Variants in INPP5A observed in about 807,000 individuals in gnomAD.
INPP5A encodes inositol polyphosphate-5-phosphatase A.
A neutral mutation model predicts 65.2 loss-of-function variants in INPP5A; 14 were observed. That is an observed-to-expected ratio of 0.21 (90% confidence interval 0.14 to 0.34). The LOEUF (loss-of-function observed/expected upper bound fraction) is 0.34. Among genes scored for constraint, INPP5A ranks in the 10% least tolerant of loss-of-function variants. The pLI is 1.00. For missense variants in INPP5A, 431 were observed against 545.6 expected (o/e 0.79, Z 2.09); for synonymous variants, 207 against 208.3 (o/e 0.99, Z 0.05).
intron 1 of INPP5A, among the ~76,000 whole-genome samples, chr10:132,578,151 C>G (rs931779507): frequency 6.6e-6 from 1 of 152,208 alleles, no homozygotes; most frequent in African/African-American, 2.4e-5. Context: ...ATTATGCTCT[C>G]TACAGAAAGT....
chr10:132,751,967 T>C (rs1846490381), intron 11 of INPP5A, among the ~76,000 whole-genome samples: 1 of 145,742 alleles, frequency 6.9e-6, no homozygotes, highest in Non-Finnish European at 1.5e-5. Context: ...TGAAAGGGGG[T>C]GCACAGGACG....
At chr10:132,771,046 C>T (rs1432951924) in intron 12 of INPP5A, among the ~76,000 whole-genome samples, 3 of 152,252 alleles carry the variant, frequency 2.0e-5, no homozygotes, top group East Asian at 1.9e-4. Flanking sequence ...CTCGTCCGCC[C>T]TTCTGGAGAA....
intron 8 of INPP5A, among the ~76,000 whole-genome samples, chr10:132,719,766 GTGT>G (rs1845827749): frequency 6.6e-6 from 1 of 151,164 alleles, no homozygotes; most frequent in African/African-American, 2.4e-5. Flanking sequence ...GGTTCTTTCT[GTGT>G]GCCTTAGACG....
chr10:132,590,755 G>T (rs1192169802), intron 1 of INPP5A, among the ~76,000 whole-genome samples: 1 of 152,146 alleles, frequency 6.6e-6, no homozygotes, highest in East Asian at 1.9e-4. Context: ...TTTCATCTCG[G>T]CCCCTGCTTT....
At chr10:132,701,577 A>G (rs1009436798) in intron 6 of INPP5A, among the ~76,000 whole-genome samples, 1 of 152,242 alleles carries the variant, frequency 6.6e-6, no homozygotes, top group Admixed American at 6.5e-5. Context: ...CTGAGGCCCC[A>G]GGACGCCCGT....
At chr10:132,661,035 G>A (rs1245211048) in intron 4 of INPP5A, among the ~76,000 whole-genome samples, 1 of 152,204 alleles carries the variant, frequency 6.6e-6, no homozygotes, top group African/African-American at 2.4e-5. Flanking sequence ...AGATGAGGAT[G>A]CCGGATGGAG....
chr10:132,554,921 G>A (rs2071106953), intron 1 of INPP5A, among the ~76,000 whole-genome samples: 1 of 146,020 alleles, frequency 6.8e-6, no homozygotes, highest in Admixed American at 6.9e-5. Context: ...TGGTGTGGGT[G>A]GCATGGTTGG....
chr10:132,721,831 A>T (rs938385976), intron 8 of INPP5A, among the ~76,000 whole-genome samples: 1 of 152,018 alleles, frequency 6.6e-6, no homozygotes, highest in Non-Finnish European at 1.5e-5. Flanking sequence ...GGCGCCTTAG[A>T]TGGCTGTCTT....
At chr10:132,725,324 G>A (rs767936439) in intron 8 of INPP5A, among the ~76,000 whole-genome samples, 4 of 152,182 alleles carry the variant, frequency 2.6e-5, no homozygotes, top group Admixed American at 2.0e-4. Context: ...GTCCTCCCTC[G>A]CTCTGGTCTA....
At chr10:132,597,094 C>T (rs950934751) in intron 1 of INPP5A, among the ~76,000 whole-genome samples, 1 of 149,938 alleles carries the variant, frequency 6.7e-6, no homozygotes, top group African/African-American at 2.5e-5. Flanking sequence ...TGTATGTGTG[C>T]ATGTGTTTGC....
chr10:132,717,173 G>A (rs557949057), intron 8 of INPP5A, among the ~76,000 whole-genome samples: 13 of 152,360 alleles, frequency 8.5e-5, no homozygotes, highest in African/African-American at 2.9e-4. Context: ...GAGGGAGGGA[G>A]GGAGGGAAGG....
intron 2 of INPP5A, among the ~76,000 whole-genome samples, chr10:132,638,201 T>G (rs1467002010): frequency 6.6e-6 from 1 of 152,226 alleles, no homozygotes; most frequent in East Asian, 1.9e-4. Flanking sequence ...TATTTTTCTC[T>G]TCTTCGTTGG....
chr10:132,573,965 T>G, intron 1 of INPP5A, among the ~76,000 whole-genome samples: 1 of 119,664 alleles, frequency 8.4e-6, no homozygotes, highest in African/African-American at 3.5e-5. Context: ...CCGTGTGAGG[T>G]TTTGTTGAGA....
chr10:132,755,123 G>A (rs956396518), intron 11 of INPP5A, among the ~76,000 whole-genome samples: 1 of 152,044 alleles, frequency 6.6e-6, no homozygotes, highest in Non-Finnish European at 1.5e-5. Context: ...GCTGGCGTGT[G>A]AGCAGGTGTG....
chr10:132,634,620 G>A (rs749407331), intron 2 of INPP5A, among the ~76,000 whole-genome samples: 15 of 152,244 alleles, frequency 9.9e-5, no homozygotes, highest in Non-Finnish European at 1.8e-4. Flanking sequence ...AGTGGTTGTG[G>A]GATTGTCTGT....
intron 13 of INPP5A, among the ~76,000 whole-genome samples, chr10:132,780,617 C>T (rs1204802832): frequency 6.6e-6 from 1 of 152,244 alleles, no homozygotes; most frequent in Admixed American, 6.5e-5. Flanking sequence ...TCCAAAAGGG[C>T]CAGGGTCAAG....
Position 132,659,928 on chromosome 10 carries a change from T to G in INPP5A, c.306+9423T>G, listed in dbSNP as rs2133414434. On this transcript the variant is annotated intron_variant, in intron 4 of 15. Coordinates refer to ENST00000368594, the MANE Select transcript of INPP5A (RefSeq NM_005539.5). The surrounding 1 kb of genome is among the most constrained non-coding windows in gnomAD (Gnocchi z 5.5). ...CCTGCAGCTCCTGACACATGACATG[T>G]GACATACAACACATGACACGCGGCA... Among the ~76,000 whole-genome samples the G allele has an allele frequency of 6.6e-6, 1 of 152,342 alleles. No homozygotes were observed. The highest frequency in any genetic ancestry group is 2.4e-5 in the African/African-American group (1 of 41,586).
At chr10:132,718,934 C>T (rs533016030) in intron 8 of INPP5A, among the ~76,000 whole-genome samples, 101 of 147,200 alleles carry the variant, frequency 6.9e-4, no homozygotes, top group African/African-American at 2.4e-3. Flanking sequence ...TTCTGTGGTA[C>T]CTGGGTTCTG....
rs1195315868 is a variant in INPP5A, at chr10:132,587,163, G to C, written c.76-20752G>C. The stretch of plus-strand genomic sequence containing the variant: ...ATACAAACACATTTAAAAAACAAGA[G>C]AGCCAGTGTGAAAACAGTAGGCAAT... On this transcript the variant is annotated intron_variant, in intron 1 of 15. Transcript: ENST00000368594. The surrounding 1 kb of genome is among the most constrained non-coding windows in gnomAD (Gnocchi z 4.3). 6.6e-6 allele frequency among the ~76,000 whole-genome samples: 1 copy of C among 152,134 alleles called. No individual in the cohort carries two copies. Among genetic ancestry groups the C allele is most frequent in the Admixed American group, 6.6e-5 (1 of 15,266 alleles).
Sources: allele counts gnomAD v4.1 joint callset (sites outside exome capture counted in the v4.1 genomes callset), GRCh38; gene constraint gnomAD v4.1.1; non-coding constraint Gnocchi (gnomAD v3.1); transcripts MANE v1.5; gene names NCBI Gene and HGNC (gene_info 2026-07-23, HGNC 2026-07-21).